FHOD3: variants seen among roughly 807,000 people sequenced by gnomAD.
FHOD3 encodes FH1/FH2 domain-containing protein 3.
Under a neutral mutation model 173.0 loss-of-function variants are expected in FHOD3, and 90 were observed. The ratio of observed to expected loss-of-function variants is 0.52; its 90% CI spans 0.44 to 0.62. The LOEUF (loss-of-function observed/expected upper bound fraction) is 0.62, where lower values mean the gene tolerates loss of function less well. Among genes scored for constraint, FHOD3 ranks in the 20% least tolerant of loss-of-function variants. The probability of loss-of-function intolerance (pLI) is 0.00; values close to 1 mark genes in which losing one functional copy is unlikely to be tolerated. For missense variants in FHOD3, 1,945 were observed against 2,034.7 expected (o/e 0.96, Z 0.85); for synonymous variants, 828 against 823.0 (o/e 1.01, Z -0.10).
In FHOD3 at chr18:36,740,750, A is replaced by C; in HGVS notation, c.3671A>C (p.Gln1224Pro). 1 of 1,614,098 alleles carries C rather than the reference A, an allele frequency of 6.2e-7. No homozygotes were observed. The highest frequency in any genetic ancestry group is 8.5e-7 in the Non-Finnish European group (1 of 1,180,012). Residue 1224 changes from glutamine (Q) to proline (P), a missense_variant, in exon 21 of 29, where the codon CAG becomes CCG. By Grantham distance (76) the Gln-to-Pro change is moderately conservative. Coordinates refer to ENST00000590592, the MANE Select transcript of FHOD3 (RefSeq NM_001281740.3). Reference sequence around the variant, plus strand: ...GAAATCCCCCTGGGCAGTGCAGAGCAGTTCCTCCTCACCCTGTCCTCCATC... The same window carrying C: ...GAAATCCCCCTGGGCAGTGCAGAGCCGTTCCTCCTCACCCTGTCCTCCATC... ...NPEIPLGSAE[Q>P]FLLTLSSISE... is the part of the protein sequence containing the mutation.
At chr18:36,712,849 A>G (rs911936010) in intron 18 of FHOD3, among the ~76,000 whole-genome samples, 1 of 152,036 alleles carries the variant, frequency 6.6e-6, no homozygotes, top group Admixed American at 6.5e-5. Context: ...AGACCAAAAA[A>G]AAAAAAAAAT....
chr18:36,577,457 C>T (rs75730984), intron 6 of FHOD3, among the ~76,000 whole-genome samples: 1 of 152,104 alleles, frequency 6.6e-6, no homozygotes, highest in East Asian at 1.9e-4. Flanking sequence ...TGACCCACCA[C>T]CCTGGGCTAA....
At position 36,461,441 on chromosome 18, in the gene FHOD3, G is replaced by GT. The variant is rs147549416; in HGVS notation, c.338-40482dup. Among the ~76,000 whole-genome samples the GT allele has an allele frequency of 5.9e-3, 860 of 146,150 alleles. 6 individuals are homozygous for GT. Among genetic ancestry groups the GT allele is most frequent in the African/African-American group, 0.017 (674 of 38,996 alleles). On this transcript the variant is annotated intron_variant, in intron 3 of 28. Coordinates refer to ENST00000590592, the MANE Select transcript of FHOD3 (RefSeq NM_001281740.3). The stretch of plus-strand genomic sequence containing the variant: ...GGGAACCCAAATTTGAGCTCAGTCT[G>GT]TTTTTTTTTGTGTGTGTGTTTTTTT...
At chr18:36,407,854 TTATAATA>T (rs2049145144) in intron 3 of FHOD3, among the ~76,000 whole-genome samples, 1 of 152,220 alleles carries the variant, frequency 6.6e-6, no homozygotes, top group Non-Finnish European at 1.5e-5. Context: ...ATAGTGATAC[TTATAATA>T]ATACTTGTAG....
intron 3 of FHOD3, among the ~76,000 whole-genome samples, chr18:36,485,113 C>T (rs1292311303): frequency 1.3e-5 from 2 of 151,132 alleles, no homozygotes; most frequent in Non-Finnish European, 2.9e-5. Context: ...TCTTCACAGC[C>T]AACAAGAACT....
chr18:36,701,956 T>G (rs566287344), intron 17 of FHOD3, among the ~76,000 whole-genome samples: 2 of 152,216 alleles, frequency 1.3e-5, no homozygotes, highest in Non-Finnish European at 2.9e-5. Context: ...AAAATCAAAC[T>G]CTGAAACTTG....
intron 5 of FHOD3, among the ~76,000 whole-genome samples, chr18:36,522,776 T>C (rs978972537): frequency 1.3e-5 from 2 of 152,204 alleles, no homozygotes; most frequent in African/African-American, 4.8e-5. Flanking sequence ...GAGTGTTTTA[T>C]GGGTGATTCC....
chr18:36,615,251 T>C (rs917743240), intron 9 of FHOD3, among the ~76,000 whole-genome samples: 2 of 152,244 alleles, frequency 1.3e-5, no homozygotes, highest in African/African-American at 4.8e-5. Flanking sequence ...ATTCTATGGG[T>C]TGTATTTTTC....
intron 3 of FHOD3, among the ~76,000 whole-genome samples, chr18:36,404,734 T>C (rs1395156582): frequency 1.3e-5 from 2 of 152,218 alleles, no homozygotes; most frequent in African/African-American, 4.8e-5. Flanking sequence ...ACTGGGTAGC[T>C]GAGCAGTTGT....
At chr18:36,475,309 A>G (rs892027969) in intron 3 of FHOD3, among the ~76,000 whole-genome samples, 2 of 152,090 alleles carry the variant, frequency 1.3e-5, no homozygotes, top group African/African-American at 2.4e-5. Flanking sequence ...ACCTACATGC[A>G]GAGATGGTGT....
At chr18:36,766,935 A>C (rs1306110603) in intron 27 of FHOD3, among the ~76,000 whole-genome samples, 7 of 152,214 alleles carry the variant, frequency 4.6e-5, no homozygotes, top group Non-Finnish European at 4.4e-5. Flanking sequence ...TTATAAATCA[A>C]TAGATAAAAG....
chr18:36,449,586 G>A (rs2051702010), intron 3 of FHOD3, among the ~76,000 whole-genome samples: 3 of 152,058 alleles, frequency 2.0e-5, no homozygotes, highest in African/African-American at 7.2e-5. Context: ...ATTCCACAGA[G>A]TTTTACTCTA....
intron 3 of FHOD3, among the ~76,000 whole-genome samples, chr18:36,418,814 C>G (rs2049818751): frequency 6.6e-6 from 1 of 151,994 alleles, no homozygotes; most frequent in Non-Finnish European, 1.5e-5. Flanking sequence ...ACTTAGGAGG[C>G]TGAGGTGGGA....
chr18:36,384,942 G>T (rs1366546800), intron 3 of FHOD3, among the ~76,000 whole-genome samples: 1 of 147,648 alleles, frequency 6.8e-6, no homozygotes, highest in Non-Finnish European at 1.5e-5. Flanking sequence ...TTTGTGTTTT[G>T]TTGCCTTACA....
rs373501105 is a variant in FHOD3 at position 36,779,548 on chromosome 18, C to T, written c.*18C>T. ...AGCTGTGACACTCATAGGTTACTCC[C>T]AGGAGTGTGCTGAGCAGAAGGCAAG... On this transcript the variant is annotated 3_prime_UTR_variant, in exon 29 of 29. Transcript: ENST00000590592. 123 of 1,611,380 alleles carry T rather than the reference C, an allele frequency of 7.6e-5. No individual in the cohort carries two copies. Among genetic ancestry groups the T allele is most frequent in the Non-Finnish European group, 1.0e-4 (120 of 1,177,742 alleles).
At chr18:36,639,594 C>T (rs2035149010) in intron 10 of FHOD3, among the ~76,000 whole-genome samples, 1 of 150,456 alleles carries the variant, frequency 6.6e-6, no homozygotes, top group Admixed American at 6.6e-5. Context: ...ACCCGGGAGG[C>T]AGAGCTTGCA....
At chr18:36,721,346 G>C (rs2040777438) in intron 19 of FHOD3, among the ~76,000 whole-genome samples, 1 of 152,142 alleles carries the variant, frequency 6.6e-6, no homozygotes. Flanking sequence ...ATTAAAACAC[G>C]TCACTGTGTT....
chr18:36,595,938 A>G (rs1476461562), intron 7 of FHOD3, among the ~76,000 whole-genome samples: 1 of 152,184 alleles, frequency 6.6e-6, no homozygotes, highest in Non-Finnish European at 1.5e-5. Context: ...TACAATCATA[A>G]AAACTTGGGA....
At chr18:36,384,908 C>T (rs1788881445) in intron 3 of FHOD3, among the ~76,000 whole-genome samples, 1 of 151,930 alleles carries the variant, frequency 6.6e-6, no homozygotes, top group South Asian at 2.1e-4. Context: ...ACCACCACCA[C>T]CACCACCACC....
Sources: allele counts gnomAD v4.1 joint callset (sites outside exome capture counted in the v4.1 genomes callset), GRCh38; gene constraint gnomAD v4.1.1; transcripts MANE v1.5; gene names NCBI Gene and HGNC (gene_info 2026-07-23, HGNC 2026-07-21).